Variants in LRP1B observed in about 807,000 individuals in gnomAD.
LRP1B encodes the protein LDL receptor related protein 1B.
Under a neutral mutation model 556.6 loss-of-function variants are expected in LRP1B, and 217 were observed. The observed-to-expected ratio is 0.39, with a 90% CI of 0.35 to 0.44. The LOEUF (loss-of-function observed/expected upper bound fraction) is 0.44. Among genes scored for constraint, LRP1B ranks in the 20% least tolerant of loss-of-function variants. The pLI is 1.00. For missense variants in LRP1B, 5,053 were observed against 5,620.8 expected (o/e 0.90, Z 3.23); for synonymous variants, 2,047 against 1,865.8 (o/e 1.10, Z -2.50).
At chr2:140,667,032 T>C (rs1685302107) in intron 41 of LRP1B, among the ~76,000 whole-genome samples, 3 of 152,328 alleles carry the variant, frequency 2.0e-5, no homozygotes, top group Admixed American at 6.5e-5. Flanking sequence ...GAAATTTGGC[T>C]TCTGAAGTAA....
At chr2:140,557,872 G>C (rs1680790201) in intron 43 of LRP1B, among the ~76,000 whole-genome samples, 1 of 152,024 alleles carries the variant, frequency 6.6e-6, no homozygotes, top group African/African-American at 2.4e-5. Flanking sequence ...GTACTTGCTA[G>C]GTTTATGGCT....
At chr2:140,560,741 A>G (rs369886153) in intron 43 of LRP1B, among the ~76,000 whole-genome samples, 7 of 152,214 alleles carry the variant, frequency 4.6e-5, no homozygotes, top group Admixed American at 1.3e-4. Flanking sequence ...AAATTTTAAC[A>G]TAAGTTTTTG....
intron 2 of LRP1B, among the ~76,000 whole-genome samples, chr2:141,660,800 G>A (rs1399586227): frequency 6.6e-6 from 1 of 152,172 alleles, no homozygotes; most frequent in Non-Finnish European, 1.5e-5. Flanking sequence ...CTGCAGCGCA[G>A]TGCACACCTT....
chr2:141,177,004 A>C (rs778843178), intron 7 of LRP1B, among the ~76,000 whole-genome samples: 1 of 152,118 alleles, frequency 6.6e-6, no homozygotes, highest in African/African-American at 2.4e-5. Flanking sequence ...TATTTGTAAG[A>C]CAGAGACCAC....
At chr2:140,494,528 C>T (rs1688832004) in intron 56 of LRP1B, among the ~76,000 whole-genome samples, 1 of 148,262 alleles carries the variant, frequency 6.7e-6, no homozygotes, top group Non-Finnish European at 1.5e-5. Context: ...TGGTGTGAAC[C>T]TGGGGGAGGC....
chr2:141,694,648 A>G (rs1325685867), intron 2 of LRP1B, among the ~76,000 whole-genome samples: 2 of 146,344 alleles, frequency 1.4e-5, no homozygotes, highest in Non-Finnish European at 3.0e-5. Context: ...GATTGTTTCA[A>G]AAAAAAAAAA....
rs748612156 is a variant in LRP1B at position 140,850,138 on chromosome 2, T to C, written c.4903A>G (p.Ile1635Val). 2.2e-5 allele frequency: 36 copies of C among 1,613,376 alleles called. No individual in the cohort carries two copies. The East Asian group carries it at 8.0e-4, about 36-fold the overall frequency. ...ACAGTTTCTAACCCAGTTCCGTTAATAAAAGCTCGTTTAATGGTTTGTGTT... is the reference window on the plus strand; with the variant it reads ...ACAGTTTCTAACCCAGTTCCGTTAACAAAAGCTCGTTTAATGGTTTGTGTT... ...IKTQTIKRAF[I>V]NGTGLETVIS... is the part of the protein sequence containing the mutation. Residue 1635 changes from isoleucine (I) to valine (V), a missense_variant, in exon 29 of 91, where the codon ATT becomes GTT. This residue lies in a region of LRP1B where 3,619 missense variants were observed against 3,931.9 expected (regional missense o/e 0.92). Coordinates refer to ENST00000389484, the MANE Select transcript of LRP1B (RefSeq NM_018557.3).
At chr2:141,887,216 G>A (rs1321647864) in intron 1 of LRP1B, among the ~76,000 whole-genome samples, 11 of 151,928 alleles carry the variant, frequency 7.2e-5, no homozygotes, top group Non-Finnish European at 1.2e-4. Flanking sequence ...GGCTGGTCTC[G>A]AACTCCTGAC....
At chr2:141,289,957 A>G (rs1454923398) in intron 3 of LRP1B, among the ~76,000 whole-genome samples, 1 of 152,198 alleles carries the variant, frequency 6.6e-6, no homozygotes, top group African/African-American at 2.4e-5. Flanking sequence ...GAATCTATAA[A>G]GTGACTTGGT....
intron 3 of LRP1B, among the ~76,000 whole-genome samples, chr2:141,400,742 T>C (rs1375938244): frequency 6.6e-6 from 1 of 152,170 alleles, no homozygotes; most frequent in Non-Finnish European, 1.5e-5. Flanking sequence ...ATCTCCATGA[T>C]TTCAGTAAAA....
At chr2:140,916,556 T>C (rs1018916823) in intron 21 of LRP1B, among the ~76,000 whole-genome samples, 1 of 152,180 alleles carries the variant, frequency 6.6e-6, no homozygotes, top group Admixed American at 6.5e-5. Flanking sequence ...TGCTAAAAGA[T>C]CACTTGTCAT....
chr2:141,932,752 C>T (rs907054973), intron 1 of LRP1B, among the ~76,000 whole-genome samples: 6 of 151,724 alleles, frequency 4.0e-5, no homozygotes, highest in Non-Finnish European at 5.9e-5. Context: ...TTTAAATGAC[C>T]TGTTTCTTGA....
intron 2 of LRP1B, among the ~76,000 whole-genome samples, chr2:141,667,067 A>G (rs879337231): frequency 2.0e-5 from 3 of 152,116 alleles, no homozygotes; most frequent in Non-Finnish European, 4.4e-5. Context: ...CCTGAGGGAA[A>G]GAGCCGGCTT....
At chr2:140,758,548 C>A (rs16844622) in intron 35 of LRP1B, among the ~76,000 whole-genome samples, 2 of 152,048 alleles carry the variant, frequency 1.3e-5, no homozygotes, top group East Asian at 3.9e-4. Context: ...TGGTATTATT[C>A]TACCAACTAA....
intron 32 of LRP1B, among the ~76,000 whole-genome samples, chr2:140,782,207 C>G (rs549667122): frequency 6.6e-6 from 1 of 152,274 alleles, no homozygotes; most frequent in Admixed American, 6.5e-5. Context: ...AGGAGTAAAT[C>G]TACTTCATGG....
chr2:141,493,710 G>T (rs1363127541), intron 2 of LRP1B, among the ~76,000 whole-genome samples: 1 of 152,136 alleles, frequency 6.6e-6, no homozygotes, highest in South Asian at 2.1e-4. Context: ...TGATGGTACT[G>T]GGTAGCAGCC....
chr2:140,478,560 G>A (rs1027659764), intron 59 of LRP1B, among the ~76,000 whole-genome samples: 5 of 152,058 alleles, frequency 3.3e-5, no homozygotes, highest in African/African-American at 1.2e-4. Context: ...TATTATGATG[G>A]GGAAACTTGG....
In LRP1B at chr2:140,233,036, TAAAAC is replaced by T. The variant is rs1448427136; in HGVS notation, c.*145_*149del. ...TCAATCAATAGTCATCAGCAAAAAA[TAAAAC>T]CCAAAAAACTCAGAAAACAATTAAC... On this transcript the variant is annotated 3_prime_UTR_variant, in exon 91 of 91. Coordinates refer to ENST00000389484, the MANE Select transcript of LRP1B (RefSeq NM_018557.3). 2.0e-6 allele frequency: 1 copy of T among 503,028 alleles called. No homozygotes were observed. The highest frequency in any genetic ancestry group is 3.3e-6 in the Non-Finnish European group (1 of 304,558). The allele number at this position is 503,028 out of a possible 1,614,324, so 31.2% of individuals were successfully genotyped here. A position where few individuals can be genotyped will look rare whatever the true frequency, so the allele number is the denominator to read the frequency against.
At chr2:141,136,686 C>G (rs1369873111) in intron 7 of LRP1B, among the ~76,000 whole-genome samples, 1 of 150,382 alleles carries the variant, frequency 6.6e-6, no homozygotes, top group African/African-American at 2.4e-5. Context: ...AAAAAGGTAC[C>G]TATTATATTT....
Sources: allele counts gnomAD v4.1 joint callset (sites outside exome capture counted in the v4.1 genomes callset), GRCh38; gene constraint gnomAD v4.1.1; regional missense constraint gnomAD v4.1.1; transcripts MANE v1.5; gene names NCBI Gene and HGNC (gene_info 2026-07-23, HGNC 2026-07-21).